FMNL1: variants seen among roughly 807,000 people sequenced by gnomAD.
FMNL1 encodes the protein formin like 1, also known as formin-like protein 1.
FMNL1 carries 43 observed loss-of-function variants against 121.3 expected under a neutral mutation model. The observed-to-expected ratio is 0.35, with a 90% CI of 0.28 to 0.46. The LOEUF is 0.46. Among genes scored for constraint, FMNL1 ranks in the 20% least tolerant of loss-of-function variants. The pLI is 1.00. For missense variants in FMNL1, 1,191 were observed against 1,482.4 expected, an observed-to-expected ratio of 0.80 and a Z score of 3.23; for synonymous variants, 613 against 613.5, an observed-to-expected ratio of 1.00 and a Z score of 0.01.
intron 6 of FMNL1, 26 bp downstream of exon 6, chr17:45,234,226 T>C (rs753932162): frequency 3.1e-6 from 5 of 1,613,600 alleles, no homozygotes; most frequent in Non-Finnish European, 2.5e-6. Flanking sequence ...AGTGGGGTGG[T>C]GGGAGAACAG....
rs1384357112 is a variant in FMNL1, at chr17:45,241,081, G to A, written c.1231-48G>A. ...CTGATGCCGCCCCCTCACCGGCGGT[G>A]CCAGTGCCGGGCTGCGGGTCGGGGC... On this transcript the variant is annotated intron_variant, in intron 12 of 26. Transcript: ENST00000331495. The surrounding 1 kb of genome is among the most constrained non-coding windows in gnomAD (Gnocchi z 7.0). The A allele has an allele frequency of 6.2e-6, 10 of 1,607,384 alleles. No individual in the cohort carries two copies. The highest frequency in any genetic ancestry group is 2.7e-5 in the African/African-American group (2 of 74,776).
chr17:45,228,846 G>T (rs1427296752), intron 1 of FMNL1, among the ~76,000 whole-genome samples: 2 of 146,646 alleles, frequency 1.4e-5, no homozygotes, highest in African/African-American at 5.2e-5. Flanking sequence ...CTTTTGTGCC[G>T]GCCACGGCTC....
In FMNL1 at chr17:45,244,919, T is replaced by C. The variant is rs1251874805; in HGVS notation, c.2598+20T>C. On this transcript the variant is annotated intron_variant, in intron 20 of 26. Transcript: ENST00000331495. Reference sequence around the variant, plus strand: ...GATGCGGTGAGGAGGGGCCCCTGGCTTGGGGACTGGGGCTGGGGACTGGCT... The same window carrying C: ...GATGCGGTGAGGAGGGGCCCCTGGCCTGGGGACTGGGGCTGGGGACTGGCT... 6.2e-6 allele frequency: 10 copies of C among 1,613,154 alleles called. No individual in the cohort carries two copies. The South Asian group carries it at 1.1e-4, about 18-fold the overall frequency.
At chr17:45,240,919 T>A in intron 12 of FMNL1, 1 of 703,224 alleles carries the variant, frequency 1.4e-6, no homozygotes, top group Non-Finnish European at 2.4e-6. Context: ...TCTCCTCCTC[T>A]CCCTCCACCT....
At chr17:45,242,573 TGAG>T (rs934827364) in intron 16 of FMNL1, 108 bp downstream of exon 16, 1 of 1,477,654 alleles carries the variant, frequency 6.8e-7, no homozygotes, top group Non-Finnish European at 9.1e-7. Flanking sequence ...ATTTCACAGA[TGAG>T]GAGGGGGAGG....
At position 45,241,870 on chromosome 17, in the gene FMNL1, G is replaced by A; in HGVS notation, c.1609G>A (p.Ala537Thr). The change falls in exon 15 of 27, where the codon GCT (alanine) becomes ACT (threonine). Residue 537 changes from alanine (A) to threonine (T), a missense_variant. Coordinates refer to ENST00000331495, the MANE Select transcript of FMNL1 (RefSeq NM_005892.4). This position sits in a 1 kb window ranked among gnomAD's most constrained non-coding sequence, Gnocchi z 7.0. ...AGATCTCGCACCTGCAGCAGAGCCG[G>A]CTCCCGGAGCAGCGCCACCGCCGCC... is the stretch of plus-strand genomic sequence containing the variant. ...SPDLAPAAEPAPGAAPPPPPP... is the reference protein window; with the variant it reads ...SPDLAPAAEPTPGAAPPPPPP... 2.1e-6 allele frequency: 3 copies of A among 1,432,386 alleles called. No homozygotes were observed. Among genetic ancestry groups the A allele is most frequent in the Admixed American group, 2.9e-5 (1 of 34,326 alleles). 88.7% of individuals were successfully genotyped at this position (1,432,386 alleles called of 1,614,324 possible).
chr17:45,238,936 C>T lies in FMNL1; in HGVS notation c.970-19C>T, dbSNP rs1463899851. ...CCCACCTAGAGGATCATAGATCTCC[C>T]CATGTCCCTGGCTCCCAGGTGGCCT... On this transcript the variant is annotated intron_variant, in intron 10 of 26. Coordinates refer to ENST00000331495, the MANE Select transcript of FMNL1 (RefSeq NM_005892.4). 1 of 1,605,368 alleles carries T rather than the reference C, an allele frequency of 6.2e-7. No homozygotes were observed. The highest frequency in any genetic ancestry group is 2.2e-5 in the East Asian group (1 of 44,830).
Position 45,238,717 on chromosome 17 carries a change from G to A in FMNL1, c.969+79G>A, listed in dbSNP as rs939087897. ...GGGAGCAGCTAGGGTCCTGGGTGCT[G>A]GGCAATGGGCTCTGCCCCCGCAAAG... On this transcript the variant is annotated intron_variant, in intron 10 of 26. Coordinates refer to ENST00000331495, the MANE Select transcript of FMNL1 (RefSeq NM_005892.4). 1.4e-5 allele frequency: 21 copies of A among 1,549,210 alleles called. No individual in the cohort carries two copies. The African/African-American group carries it at 2.4e-4, about 18-fold the overall frequency.
In FMNL1 at chr17:45,238,368, A is replaced by G. The variant is rs1399325336; in HGVS notation, c.895-196A>G. 2.8e-5 allele frequency: 16 copies of G among 569,892 alleles called. No homozygotes were observed. In the East Asian group the frequency reaches 4.3e-4, roughly 15 times the overall value. The allele number at this position is 569,892 out of a possible 1,614,324, so 35.3% of individuals were successfully genotyped here. On this transcript the variant is annotated intron_variant, in intron 9 of 26. Transcript: ENST00000331495. ...GGCCCTGGGGTGGGAATGTGCCAGG[A>G]TGCCAGTGTGGCCAGAGTGGAAAAA...
chr17:45,246,959 C>T lies in FMNL1; in HGVS notation c.*101C>T, dbSNP rs1239643285. 1 of 749,344 alleles carries T rather than the reference C, an allele frequency of 1.3e-6. No homozygotes were observed. Among genetic ancestry groups the T allele is most frequent in the African/African-American group, 1.7e-5 (1 of 59,054 alleles). The allele number at this position is 749,344 out of a possible 1,614,324, so 46.4% of individuals were successfully genotyped here. ...CCCCCCACTGCAGGTCACCTCCGAC[C>T]TCTCGCTGTAGCCGCTATTTCTGCA... is the stretch of plus-strand genomic sequence containing the variant. On this transcript the variant is annotated 3_prime_UTR_variant, in exon 27 of 27. Coordinates refer to ENST00000331495, the MANE Select transcript of FMNL1 (RefSeq NM_005892.4).
intron 16 of FMNL1, among the ~76,000 whole-genome samples, chr17:45,242,789 ATGT>A: frequency 6.6e-6 from 1 of 152,128 alleles, no homozygotes; most frequent in African/African-American, 2.4e-5. Context: ...TTCCAAAAGG[ATGT>A]ATTCTCTTGC....
intron 11 of FMNL1, among the ~76,000 whole-genome samples, chr17:45,239,515 G>A (rs941111087): frequency 6.6e-6 from 1 of 152,188 alleles, no homozygotes; most frequent in Non-Finnish European, 1.5e-5. Flanking sequence ...GGGAAGGTGG[G>A]CAGAGCTGCT....
At chr17:45,238,705 G>T in intron 10 of FMNL1, 67 bp downstream of exon 10, 1 of 1,589,672 alleles carries the variant, frequency 6.3e-7, no homozygotes. Context: ...AGCAGCTAGG[G>T]TCCTGGGTGC....
Position 45,237,716 on chromosome 17 carries a change from T to C in FMNL1, c.894+77T>C. The C allele has an allele frequency of 2.0e-6, 3 of 1,524,136 alleles. No individual in the cohort carries two copies. Among genetic ancestry groups the C allele is most frequent in the East Asian group, 4.5e-5 (2 of 44,080 alleles). The allele number at this position is 1,524,136 out of a possible 1,614,324, so 94.4% of individuals were successfully genotyped here. ...AGTCTTGTTGTTGGCAGTTGTGGCC[T>C]TTGCTGGAGGCAGCTGGGGACATTG... On this transcript the variant is annotated intron_variant, in intron 9 of 26. Coordinates refer to ENST00000331495, the MANE Select transcript of FMNL1 (RefSeq NM_005892.4). The surrounding 1 kb of genome is among the most constrained non-coding windows in gnomAD (Gnocchi z 4.4).
intron 17 of FMNL1, 95 bp from the exon 18 acceptor site, chr17:45,243,696 G>A (rs955632230): frequency 1.3e-5 from 16 of 1,206,400 alleles, no homozygotes; most frequent in African/African-American, 3.1e-5. Flanking sequence ...AGAAAATACT[G>A]AAATTCATTT....
rs564692780 is a variant in FMNL1, at chr17:45,247,118, A to G, written c.*260A>G. 1.7e-5 allele frequency: 10 copies of G among 593,056 alleles called. No homozygotes were observed. The South Asian group carries it at 1.8e-4, about 11-fold the overall frequency. 36.7% of individuals were successfully genotyped at this position (593,056 alleles called of 1,614,324 possible). A position where few individuals can be genotyped will look rare whatever the true frequency, so the allele number is the denominator to read the frequency against. On this transcript the variant is annotated 3_prime_UTR_variant, in exon 27 of 27. Transcript: ENST00000331495. The stretch of plus-strand genomic sequence containing the variant: ...GGGCTGGTGCATCCTCCTCTTGGCC[A>G]CAGAGGGCAGCATCGCCCGCCCCTT...
At chr17:45,229,289 A>C (rs2043392332) in intron 1 of FMNL1, among the ~76,000 whole-genome samples, 1 of 152,246 alleles carries the variant, frequency 6.6e-6, no homozygotes, top group African/African-American at 2.4e-5. Flanking sequence ...GAGCGCACCC[A>C]GCTTCCTGTT....
chr17:45,229,740 C>T (rs1482384175), intron 1 of FMNL1, among the ~76,000 whole-genome samples: 1 of 152,158 alleles, frequency 6.6e-6, no homozygotes, highest in Non-Finnish European at 1.5e-5. Flanking sequence ...CTAACCTGCT[C>T]CGTGGTGGCA....
intron 1 of FMNL1, among the ~76,000 whole-genome samples, chr17:45,229,914 A>C (rs908661086): frequency 1.3e-5 from 2 of 151,944 alleles, no homozygotes; most frequent in African/African-American, 4.8e-5. Flanking sequence ...CTTCCCCGCA[A>C]ATCTCCCCGC....
Sources: allele counts gnomAD v4.1 joint callset (sites outside exome capture counted in the v4.1 genomes callset), GRCh38; gene constraint gnomAD v4.1.1; non-coding constraint Gnocchi (gnomAD v3.1); transcripts MANE v1.5; gene names NCBI Gene and HGNC (gene_info 2026-07-23, HGNC 2026-07-21).